The following PTCHD4 variants were observed in gnomAD, a reference collection of about 807,000 sequenced individuals.
The protein encoded by PTCHD4 is patched domain containing 4, also known as patched domain-containing protein 4.
In PTCHD4, 33 loss-of-function variants were observed where a neutral mutation model predicts 58.1. That is an observed-to-expected ratio of 0.57 (90% confidence interval 0.43 to 0.76). The LOEUF (loss-of-function observed/expected upper bound fraction) is 0.76, where lower values mean the gene tolerates loss of function less well. Among genes scored for constraint, PTCHD4 ranks in the 30% least tolerant of loss-of-function variants. The pLI, the probability that PTCHD4 is intolerant of heterozygous loss-of-function variation, is 0.00. For missense variants in PTCHD4, 1,058 were observed against 1,027.1 expected, an observed-to-expected ratio of 1.03 and a Z score of -0.41; for synonymous variants, 478 against 409.6, an observed-to-expected ratio of 1.17 and a Z score of -2.02.
chr6:48,103,465 T>C (rs1236482615), intron 1 of PTCHD4, among the ~76,000 whole-genome samples: 1 of 151,964 alleles, frequency 6.6e-6, no homozygotes. Flanking sequence ...GTCACCATCA[T>C]CAAAGACCAA....
In PTCHD4 at chr6:47,870,778, C is replaced by G. The variant is rs938079466; in HGVS notation, c.*7525G>C. 1.3e-5 allele frequency among the ~76,000 whole-genome samples: 2 copies of G among 151,530 alleles called. No homozygotes were observed. Among genetic ancestry groups the G allele is most frequent in the African/African-American group, 4.8e-5 (2 of 41,338 alleles). On this transcript the variant is annotated 3_prime_UTR_variant, in exon 5 of 5. Coordinates refer to ENST00000339488, the MANE Select transcript of PTCHD4 (RefSeq NM_001384253.1). ...TTTTTGTTCACAATTCGTTTTTAAG[C>G]TTTCCTCAGTAAGGTAGCTTTAGTT... is the stretch of plus-strand genomic sequence containing the variant.
chr6:48,007,921 AAT>A lies in PTCHD4; in HGVS notation c.898+711_898+712del, dbSNP rs776972294. On this transcript the variant is annotated intron_variant, in intron 4 of 4. Transcript: ENST00000339488. ...CCAGATTTGATCTTCTCTTTGAAAG[AAT>A]ATGTGCGCGCGCGCACACACACACA... Among the ~76,000 whole-genome samples, 74 of 119,322 alleles carry A rather than the reference AAT, an allele frequency of 6.2e-4. 1 individual carries two copies. The highest frequency in any genetic ancestry group is 8.4e-4 in the Admixed American group (9 of 10,694). The allele number at this position is 119,322 out of a possible 152,430, so 78.3% of individuals were successfully genotyped here.
rs114723751 is a variant in PTCHD4, at chr6:48,061,364, C to A, written c.417+6866G>T. On this transcript the variant is annotated intron_variant, in intron 3 of 4. Coordinates refer to ENST00000339488, the MANE Select transcript of PTCHD4 (RefSeq NM_001384253.1). ...TATAGAACAGCCTCTTGATAATTCT[C>A]CAGATACCTCTTTGGTGTTTCCATG... Among the ~76,000 whole-genome samples, 425 of 152,284 alleles carry A rather than the reference C, an allele frequency of 2.8e-3. 1 individual carries two copies. Among genetic ancestry groups the A allele is most frequent in the African/African-American group, 9.5e-3 (396 of 41,548 alleles).
intron 4 of PTCHD4, among the ~76,000 whole-genome samples, chr6:48,004,104 GACA>G (rs1386152783): frequency 6.6e-6 from 1 of 152,126 alleles, no homozygotes; most frequent in Non-Finnish European, 1.5e-5. Context: ...TCATGAGGGT[GACA>G]ACTTGATCAT....
intron 4 of PTCHD4, among the ~76,000 whole-genome samples, chr6:47,884,257 T>A (rs757203146): frequency 3.9e-5 from 6 of 152,192 alleles, no homozygotes; most frequent in Non-Finnish European, 8.8e-5. Flanking sequence ...CAGATGCCAA[T>A]CAACCATGGA....
At position 47,872,198 on chromosome 6, in the gene PTCHD4, A is replaced by G. The variant is rs185682791; in HGVS notation, c.*6105T>C. The stretch of plus-strand genomic sequence containing the variant: ...ACTGTAGACTGCCGCTACTGAGAAT[A>G]TAAGTTAAATTTATATAGCACTGAA... On this transcript the variant is annotated 3_prime_UTR_variant, in exon 5 of 5. Coordinates refer to ENST00000339488, the MANE Select transcript of PTCHD4 (RefSeq NM_001384253.1). Among the ~76,000 whole-genome samples the G allele has an allele frequency of 4.0e-5, 6 of 151,788 alleles. No individual in the cohort carries two copies. The highest frequency in any genetic ancestry group is 1.9e-4 in the East Asian group (1 of 5,146).
intron 3 of PTCHD4, among the ~76,000 whole-genome samples, chr6:48,053,611 G>A (rs976998685): frequency 2.6e-5 from 4 of 152,126 alleles, no homozygotes; most frequent in South Asian, 2.1e-4. Flanking sequence ...TATTTACCAT[G>A]AGTCTACATA....
At chr6:47,935,824 C>T (rs938003521) in intron 4 of PTCHD4, among the ~76,000 whole-genome samples, 1 of 151,976 alleles carries the variant, frequency 6.6e-6, no homozygotes, top group Non-Finnish European at 1.5e-5. Flanking sequence ...TTATACAAAG[C>T]ATATAATTTT....
At chr6:47,895,523 A>G (rs546912105) in intron 4 of PTCHD4, among the ~76,000 whole-genome samples, 1 of 152,340 alleles carries the variant, frequency 6.6e-6, no homozygotes, top group South Asian at 2.1e-4. Context: ...GGGAATCTTC[A>G]ATAAGATAGC....
In PTCHD4 at chr6:47,875,987, A is replaced by T. The variant is rs1763837906; in HGVS notation, c.*2316T>A. On this transcript the variant is annotated 3_prime_UTR_variant, in exon 5 of 5. Coordinates refer to ENST00000339488, the MANE Select transcript of PTCHD4 (RefSeq NM_001384253.1). ...CTCAGTGATTATCTCCCATATTTTG[A>T]TATGGGAGATAAAAATCTTCCATAT... Among the ~76,000 whole-genome samples, 1 of 151,810 alleles carries T rather than the reference A, an allele frequency of 6.6e-6. No homozygotes were observed. Among genetic ancestry groups the T allele is most frequent in the Non-Finnish European group, 1.5e-5 (1 of 67,872 alleles).
intron 4 of PTCHD4, among the ~76,000 whole-genome samples, chr6:47,922,086 T>C (rs995573560): frequency 4.4e-4 from 67 of 152,008 alleles, no homozygotes; most frequent in African/African-American, 1.6e-3. Context: ...TGCAGTGATG[T>C]ATGATTGCAC....
At chr6:47,924,622 C>A (rs1561959864) in intron 4 of PTCHD4, among the ~76,000 whole-genome samples, 1 of 152,064 alleles carries the variant, frequency 6.6e-6, no homozygotes, top group Non-Finnish European at 1.5e-5. Context: ...TAGCACAGTG[C>A]CCCACTCATA....
At chr6:47,986,548 G>C (rs1000784555) in intron 4 of PTCHD4, among the ~76,000 whole-genome samples, 5 of 152,114 alleles carry the variant, frequency 3.3e-5, no homozygotes, top group African/African-American at 1.2e-4. Flanking sequence ...TGAGGTATTA[G>C]TTAAGAATCT....
chr6:47,905,714 T>C (rs899718289), intron 4 of PTCHD4, among the ~76,000 whole-genome samples: 2 of 152,124 alleles, frequency 1.3e-5, no homozygotes, highest in Non-Finnish European at 2.9e-5. Context: ...TCACACAGAG[T>C]AGAGGCTTGG....
intron 4 of PTCHD4, among the ~76,000 whole-genome samples, chr6:47,972,481 C>T (rs1037158648): frequency 4.6e-5 from 7 of 152,216 alleles, no homozygotes; most frequent in Middle Eastern, 3.4e-3. Context: ...GTACAATCTC[C>T]TAATGTTTTG....
At chr6:47,917,364 A>C (rs952191218) in intron 4 of PTCHD4, among the ~76,000 whole-genome samples, 1 of 152,160 alleles carries the variant, frequency 6.6e-6, no homozygotes, top group Non-Finnish European at 1.5e-5. Flanking sequence ...CACTCTACAC[A>C]GTCTAAATAA....
intron 3 of PTCHD4, among the ~76,000 whole-genome samples, chr6:48,048,934 T>C (rs1235706610): frequency 6.6e-6 from 1 of 151,996 alleles, no homozygotes; most frequent in South Asian, 2.1e-4. Flanking sequence ...CCAAGTGGCC[T>C]GTGTACTTTT....
chr6:48,067,189 C>T (rs1255333918), intron 3 of PTCHD4, among the ~76,000 whole-genome samples: 5 of 152,210 alleles, frequency 3.3e-5, no homozygotes, highest in African/African-American at 1.2e-4. Flanking sequence ...ACTTCAGTCA[C>T]CTGGAGACTG....
chr6:47,977,432 T>A (rs1173326837), intron 4 of PTCHD4, among the ~76,000 whole-genome samples: 5 of 152,150 alleles, frequency 3.3e-5, no homozygotes, highest in Admixed American at 1.3e-4. Context: ...GAATTAAGGA[T>A]AAGTTCTGGT....
Sources: gnomAD v4.1 joint callset for allele counts (sites outside exome capture counted in the v4.1 genomes callset) on GRCh38, gnomAD v4.1.1 for gene constraint, MANE v1.5 for transcripts, NCBI Gene and HGNC (gene_info 2026-07-23, HGNC 2026-07-21) for gene names.